TRAPPC12: variants seen among roughly 807,000 people sequenced by gnomAD.
TRAPPC12 encodes the protein trafficking protein particle complex subunit 12.
TRAPPC12 carries 61 observed loss-of-function variants against 69.2 expected under a neutral mutation model. That is an observed-to-expected ratio of 0.88 (90% CI 0.72 to 1.09). The LOEUF is 1.09. TRAPPC12 is among the 50% of genes least tolerant of loss of function. The probability of loss-of-function intolerance (pLI) is 0.00; values close to 1 mark genes in which losing one functional copy is unlikely to be tolerated. For synonymous variants in TRAPPC12, 469 were observed against 438.9 expected (o/e 1.07, Z -0.86); for missense variants, 1,101 against 1,016.4 (o/e 1.08, Z -1.13).
intron 2 of TRAPPC12, among the ~76,000 whole-genome samples, chr2:3,395,560 C>CT (rs10671671): frequency 0.26 from 31,132 of 118,048 alleles, 5,069 homozygotes; most frequent in East Asian, 0.57. Flanking sequence ...AAAATTATTA[C>CT]TTTTTTTTTT....
chr2:3,449,324 C>CA (rs1664723417), intron 6 of TRAPPC12: 1 of 152,470 alleles, frequency 6.6e-6, no homozygotes, highest in Non-Finnish European at 1.5e-5. Flanking sequence ...TTTCATTCGT[C>CA]AGTGACCTGC....
intron 1 of TRAPPC12, among the ~76,000 whole-genome samples, chr2:3,386,351 A>G (rs2103424055): frequency 6.6e-6 from 1 of 152,324 alleles, no homozygotes; most frequent in East Asian, 1.9e-4. Context: ...TTCAAGAAAA[A>G]GAACAAATAC....
At chr2:3,424,495 C>A (rs772286166) in intron 4 of TRAPPC12, 30 bp from the exon 5 acceptor site, 3 of 1,608,304 alleles carry the variant, frequency 1.9e-6, no homozygotes, top group Non-Finnish European at 2.5e-6. Flanking sequence ...ATGTAGATAA[C>A]CTATTGTTTC....
intron 6 of TRAPPC12, among the ~76,000 whole-genome samples, chr2:3,451,366 A>T (rs1045055690): frequency 9.9e-5 from 15 of 152,180 alleles, no homozygotes; most frequent in African/African-American, 3.6e-4. Flanking sequence ...TGAGTCTGGA[A>T]TCGTCTCTTC....
intron 2 of TRAPPC12, among the ~76,000 whole-genome samples, chr2:3,393,333 G>A (rs1029949057): frequency 6.7e-6 from 1 of 150,144 alleles, no homozygotes; most frequent in African/African-American, 2.5e-5. Flanking sequence ...GGGCCTGGGG[G>A]TGTGAGGGGC....
chr2:3,398,929 G>T (rs1661271244), intron 2 of TRAPPC12, among the ~76,000 whole-genome samples: 1 of 152,182 alleles, frequency 6.6e-6, no homozygotes, highest in Non-Finnish European at 1.5e-5. Flanking sequence ...AGGTGTAGTA[G>T]CACAGCTCTC....
intron 8 of TRAPPC12, among the ~76,000 whole-genome samples, chr2:3,462,002 A>G (rs1164802459): frequency 2.0e-5 from 3 of 152,228 alleles, no homozygotes; most frequent in African/African-American, 7.2e-5. Context: ...TGCTGAGGGC[A>G]TTGTCAGCGT....
At chr2:3,428,697 C>T (rs1027989385) in intron 5 of TRAPPC12, among the ~76,000 whole-genome samples, 1 of 152,188 alleles carries the variant, frequency 6.6e-6, no homozygotes, top group Non-Finnish European at 1.5e-5. Context: ...AGCCCAGCCC[C>T]GTTTCTGACC....
chr2:3,403,325 C>T (rs4971496), intron 3 of TRAPPC12, among the ~76,000 whole-genome samples: 45,125 of 150,178 alleles, frequency 0.3, 7,118 homozygotes, highest in Middle Eastern at 0.41. Flanking sequence ...CTCCACCTCC[C>T]GGGTTCAAGT....
Position 3,387,960 on chromosome 2 carries a change from G to C in TRAPPC12, c.337G>C (p.Glu113Gln). The C allele has an allele frequency of 6.8e-7, 1 of 1,480,984 alleles. No individual in the cohort carries two copies. Among genetic ancestry groups the C allele is most frequent in the Non-Finnish European group, 8.9e-7 (1 of 1,120,822 alleles). The allele number at this position is 1,480,984 out of a possible 1,614,324, so 91.7% of individuals were successfully genotyped here. ...CGCGGGCACCCCGAGTCCCAGCGGC[G>C]AGGCCGACGGCGACTGTGCCCCCGA... ...EPAGTPSPSG[E>Q]ADGDCAPEDA... Residue 113 changes from glutamate (E) to glutamine (Q), a missense_variant, in exon 2 of 12, where the codon GAG becomes CAG. Physicochemically the swap from Glu to Gln is conservative, Grantham distance 29. Transcript: ENST00000324266.
chr2:3,428,649 T>C (rs1213123449), intron 5 of TRAPPC12, among the ~76,000 whole-genome samples: 1 of 152,212 alleles, frequency 6.6e-6, no homozygotes, highest in Non-Finnish European at 1.5e-5. Flanking sequence ...ACATGTCAAA[T>C]CTAGCAATTT....
intron 9 of TRAPPC12, among the ~76,000 whole-genome samples, chr2:3,469,903 G>A (rs61098260): frequency 0.053 from 7,997 of 152,294 alleles, 683 homozygotes; most frequent in African/African-American, 0.18. Context: ...CTAAACGCGC[G>A]TGGAATAAGA....
chr2:3,471,863 G>A (rs775300964), intron 9 of TRAPPC12, among the ~76,000 whole-genome samples: 16 of 152,134 alleles, frequency 1.1e-4, no homozygotes, highest in Non-Finnish European at 2.1e-4. Flanking sequence ...GACTGGGAAA[G>A]TAGCTGTGGT....
At position 3,400,618 on chromosome 2, in the gene TRAPPC12, C is replaced by T. The variant is rs144408574; in HGVS notation, c.1048-1159C>T. Among the ~76,000 whole-genome samples, 616 of 152,310 alleles carry T rather than the reference C, an allele frequency of 4.0e-3. 7 individuals are homozygous for T. Among genetic ancestry groups the T allele is most frequent in the African/African-American group, 0.014 (565 of 41,564 alleles). On this transcript the variant is annotated intron_variant, in intron 2 of 11. Coordinates refer to ENST00000324266, the MANE Select transcript of TRAPPC12 (RefSeq NM_016030.6). ...TGTGTGAGAGGCGTCTCCTGCCGCC[C>T]GTGGAGAGCATCGTGTCCTGTGAGC... is the stretch of plus-strand genomic sequence containing the variant.
At chr2:3,424,052 C>A (rs1246000794) in intron 4 of TRAPPC12, among the ~76,000 whole-genome samples, 2 of 152,186 alleles carry the variant, frequency 1.3e-5, no homozygotes, top group African/African-American at 4.8e-5. Flanking sequence ...TTCCTGCTCC[C>A]GTTCCCGCCG....
intron 8 of TRAPPC12, 68 bp from the exon 9 acceptor site, chr2:3,465,529 C>G: frequency 9.1e-7 from 1 of 1,094,858 alleles, no homozygotes; most frequent in Non-Finnish European, 1.4e-6. Context: ...CACTTGTGCT[C>G]TTCTACACGT....
chr2:3,473,187 G>C (rs937766099), intron 9 of TRAPPC12, among the ~76,000 whole-genome samples: 17 of 152,290 alleles, frequency 1.1e-4, no homozygotes, highest in East Asian at 5.8e-4. Flanking sequence ...AGCAGGTGAG[G>C]GGGGGTCAGG....
intron 7 of TRAPPC12, among the ~76,000 whole-genome samples, chr2:3,459,241 G>T (rs964807095): frequency 5.5e-4 from 84 of 152,220 alleles, no homozygotes; most frequent in African/African-American, 2.0e-3. Flanking sequence ...GCCCAGGGTG[G>T]CATCTTGGCA....
At chr2:3,381,589 G>C (rs951745394) in intron 1 of TRAPPC12, among the ~76,000 whole-genome samples, 9 of 152,186 alleles carry the variant, frequency 5.9e-5, no homozygotes, top group Non-Finnish European at 1.2e-4. Flanking sequence ...AATGATAGGA[G>C]GGAGTAAAGA....
Sources: allele counts gnomAD v4.1 joint callset (sites outside exome capture counted in the v4.1 genomes callset), GRCh38; gene constraint gnomAD v4.1.1; transcripts MANE v1.5; gene names NCBI Gene and HGNC (gene_info 2026-07-23, HGNC 2026-07-21).